The following ITGA2 variants were observed in gnomAD, a reference collection of about 807,000 sequenced individuals.
ITGA2 encodes integrin subunit alpha 2.
In ITGA2, 101 loss-of-function variants were observed where a neutral mutation model predicts 146.3. The observed-to-expected ratio is 0.69, with a 90% CI of 0.59 to 0.81. The LOEUF (loss-of-function observed/expected upper bound fraction) is 0.81. ITGA2 is among the 40% of genes least tolerant of loss of function. ITGA2 has a pLI of 0.00. For synonymous variants in ITGA2, 477 were observed against 487.1 expected (o/e 0.98, Z 0.27); for missense variants, 1,281 against 1,402.7 (o/e 0.91, Z 1.39).
chr5:53,088,685 C>CAAAAAAAAAAAAAAAAAAAAAAAAAAAA (rs5867861), intron 28 of ITGA2, among the ~76,000 whole-genome samples: 1 of 105,920 alleles, frequency 9.4e-6, no homozygotes. Flanking sequence ...GACTCTGTCT[C>CAAAAAAAAAAAAAAAAAAAAAAAAAAAA]AAAAAAAAAA....
intron 27 of ITGA2, among the ~76,000 whole-genome samples, chr5:53,084,689 C>A (rs1043310098): frequency 2.0e-5 from 3 of 152,128 alleles, no homozygotes; most frequent in Non-Finnish European, 4.4e-5. Context: ...TATCACCTTC[C>A]CAGCTGCTGC....
At chr5:53,084,949 A>G (rs911594328) in intron 27 of ITGA2, among the ~76,000 whole-genome samples, 4 of 152,192 alleles carry the variant, frequency 2.6e-5, no homozygotes, top group Non-Finnish European at 5.9e-5. Flanking sequence ...AACTTCCTAG[A>G]AAGTGTAGTA....
At position 53,086,685 on chromosome 5, in the gene ITGA2, C is replaced by T. The variant is rs527678819; in HGVS notation, c.3259-267C>T. Among the ~76,000 whole-genome samples the T allele has an allele frequency of 3.3e-4, 50 of 152,278 alleles. 1 individual carries two copies. Among genetic ancestry groups the T allele is most frequent in the South Asian group, 2.3e-3 (11 of 4,822 alleles). Reference sequence around the variant, plus strand: ...AGATCTCCTCAGGGAGATATTTTAACCTACTCATGTCTGGATCCCACCCCA... The same window carrying T: ...AGATCTCCTCAGGGAGATATTTTAATCTACTCATGTCTGGATCCCACCCCA... On this transcript the variant is annotated intron_variant, in intron 27 of 29. Transcript: ENST00000296585.
Position 53,048,855 on chromosome 5 carries a change from T to C in ITGA2, c.630+85T>C, listed in dbSNP as rs1017498338. On this transcript the variant is annotated intron_variant, in intron 6 of 29. Transcript: ENST00000296585. ...AGCTATGAAGTCTTAATTTTTGTATTTGCCAAATCCCCATTTTAAATGCAT... is the reference window on the plus strand; with the variant it reads ...AGCTATGAAGTCTTAATTTTTGTATCTGCCAAATCCCCATTTTAAATGCAT... 4 of 1,437,954 alleles carry C rather than the reference T, an allele frequency of 2.8e-6. No homozygotes were observed. In the African/African-American group the frequency reaches 5.7e-5, roughly 20 times the overall value. The allele number at this position is 1,437,954 out of a possible 1,614,324, so 89.1% of individuals were successfully genotyped here.
chr5:53,087,730 G>C (rs900701992), intron 28 of ITGA2, among the ~76,000 whole-genome samples: 9 of 152,066 alleles, frequency 5.9e-5, no homozygotes, highest in Non-Finnish European at 1.0e-4. Context: ...ACTGACTCTG[G>C]TTAGAATATG....
In ITGA2 at chr5:53,094,671, CA is replaced by C. The variant is rs1271500042; in HGVS notation, c.*4075del. ...TAGTTTTTCTCATATCCAAGTATAA[CA>C]AACAGAAAAGTTTCATTATTGTAAC... On this transcript the variant is annotated 3_prime_UTR_variant, in exon 30 of 30. Coordinates refer to ENST00000296585, the MANE Select transcript of ITGA2 (RefSeq NM_002203.4). The C allele has an allele frequency of 3.5e-4, 54 of 152,252 alleles. No homozygotes were observed. Among genetic ancestry groups the C allele is most frequent in the African/African-American group, 1.3e-3 (53 of 41,568 alleles). 9.4% of individuals were successfully genotyped at this position (152,252 alleles called of 1,614,324 possible).
intron 2 of ITGA2, among the ~76,000 whole-genome samples, chr5:53,027,698 C>A (rs1256890513): frequency 6.6e-6 from 1 of 152,214 alleles, no homozygotes; most frequent in Non-Finnish European, 1.5e-5. Context: ...CAACCATCCC[C>A]ACTCACCCTG....
Position 53,048,462 on chromosome 5 carries a change from T to C in ITGA2, c.487T>C (p.Ser163Pro), listed in dbSNP as rs1294883915. The change falls in exon 5 of 30, where the codon TCA (serine) becomes CCA (proline). Residue 163 changes from serine (S) to proline (P), a missense_variant. By Grantham distance (74) the Ser-to-Pro change is moderately conservative. Coordinates refer to ENST00000296585, the MANE Select transcript of ITGA2 (RefSeq NM_002203.4). Reference protein sequence around the residue: ...SPDFQLSASFSPATQPCPSLI... With the variant: ...SPDFQLSASFPPATQPCPSLI... ...TGATTTTCAGCTCTCAGCCAGCTTC[T>C]CACCTGCAACTCAGCGTAAGTTATT... 6.2e-7 allele frequency: 1 copy of C among 1,614,084 alleles called. No individual in the cohort carries two copies. The highest frequency in any genetic ancestry group is 1.7e-5 in the Admixed American group (1 of 60,024).
chr5:53,071,924 G>A lies in ITGA2; in HGVS notation c.2236-14G>A, dbSNP rs745703049. On this transcript the variant is annotated splice_polypyrimidine_tract_variant and intron_variant, in intron 17 of 29. Transcript: ENST00000296585. ...TCTGTCTCCCCCTGTATGTTTGTGT[G>A]TGTGTATGTTTAGGAGCCCTCTGAT... The A allele has an allele frequency of 6.3e-7, 1 of 1,584,542 alleles. No homozygotes were observed. Among genetic ancestry groups the A allele is most frequent in the East Asian group, 2.2e-5 (1 of 44,548 alleles).
intron 1 of ITGA2, among the ~76,000 whole-genome samples, chr5:52,999,842 A>G (rs987543527): frequency 6.6e-6 from 1 of 152,210 alleles, no homozygotes; most frequent in African/African-American, 2.4e-5. Flanking sequence ...CATGTCTCCC[A>G]ACACAGCTTA....
At chr5:53,078,908 G>T in intron 24 of ITGA2, 34 bp downstream of exon 24, 1 of 1,187,596 alleles carries the variant, frequency 8.4e-7, no homozygotes, top group Non-Finnish European at 1.3e-6. Context: ...GGCAAATCCA[G>T]GAGAAAGTGA....
chr5:53,075,561 C>T (rs1745625492), intron 23 of ITGA2, among the ~76,000 whole-genome samples: 1 of 151,970 alleles, frequency 6.6e-6, no homozygotes, highest in African/African-American at 2.4e-5. Flanking sequence ...ATCACAGGCA[C>T]ACTCCACATT....
chr5:53,058,293 C>T (rs1368335053), intron 10 of ITGA2, among the ~76,000 whole-genome samples, 192 bp downstream of exon 10: 1 of 151,812 alleles, frequency 6.6e-6, no homozygotes, highest in Non-Finnish European at 1.5e-5. Context: ...CTTCCCTTCC[C>T]TGTTTCACAG....
chr5:53,003,613 G>T (rs944716398), intron 1 of ITGA2, among the ~76,000 whole-genome samples: 2 of 152,112 alleles, frequency 1.3e-5, no homozygotes, highest in African/African-American at 4.8e-5. Flanking sequence ...CAGAATGGAT[G>T]GGCTTTTATA....
rs1477761373 is a variant in ITGA2, at chr5:53,045,035, A to C, written c.330A>C (p.Lys110Asn). ...GCATTCCAAATGTTACTGAGATGAA[A>C]ACCAACATGAGCCTCGGCTTGATCC... ...STSIPNVTEMKTNMSLGLILT... is the reference protein window; with the variant it reads ...STSIPNVTEMNTNMSLGLILT... Residue 110 changes from lysine to asparagine, a missense_variant, in exon 4 of 30, where the codon AAA becomes AAC. By Grantham distance (94) the Lys-to-Asn change is moderately conservative. Transcript: ENST00000296585. The C allele has an allele frequency of 6.2e-7, 1 of 1,613,850 alleles. No individual in the cohort carries two copies. The highest frequency in any genetic ancestry group is 8.5e-7 in the Non-Finnish European group (1 of 1,179,898).
chr5:53,034,366 C>T (rs947597245), intron 2 of ITGA2, among the ~76,000 whole-genome samples: 5 of 151,376 alleles, frequency 3.3e-5, no homozygotes, highest in African/African-American at 7.3e-5. Context: ...GCCAAGATCA[C>T]GTCACTGCAC....
In ITGA2 at chr5:53,090,610, C is replaced by T; in HGVS notation, c.*11C>T. ...GAGCTCAGTAGCTGAACCAGCAGAC[C>T]TACCTGCAGTGGGAACCGGCAGCAT... On this transcript the variant is annotated 3_prime_UTR_variant, in exon 30 of 30. Transcript: ENST00000296585. 1.2e-6 allele frequency: 2 copies of T among 1,609,176 alleles called. No individual in the cohort carries two copies. Among genetic ancestry groups the T allele is most frequent in the South Asian group, 2.2e-5 (2 of 90,968 alleles).
At chr5:53,063,749 C>G (rs1295329818) in intron 13 of ITGA2, among the ~76,000 whole-genome samples, 1 of 151,766 alleles carries the variant, frequency 6.6e-6, no homozygotes, top group African/African-American at 2.4e-5. Flanking sequence ...TTAATTAAAA[C>G]AATTCTAAAG....
chr5:53,037,238 CAGTA>C (rs1743533387), intron 2 of ITGA2, among the ~76,000 whole-genome samples: 1 of 152,158 alleles, frequency 6.6e-6, no homozygotes, highest in African/African-American at 2.4e-5. Context: ...GATAATTGAA[CAGTA>C]AGTGTTATTT....
Sources: allele counts gnomAD v4.1 joint callset (sites outside exome capture counted in the v4.1 genomes callset), GRCh38; gene constraint gnomAD v4.1.1; transcripts MANE v1.5; gene names NCBI Gene and HGNC (gene_info 2026-07-23, HGNC 2026-07-21).